ENOSF1: variants seen among roughly 807,000 people sequenced by gnomAD.
ENOSF1 encodes the protein mitochondrial enolase superfamily member 1.
In ENOSF1, 73 loss-of-function variants were observed where a neutral mutation model predicts 68.2. The ratio of observed to expected loss-of-function variants is 1.07; its 90% CI spans 0.89 to 1.30. The LOEUF (loss-of-function observed/expected upper bound fraction) is 1.30, where lower values mean the gene tolerates loss of function less well. ENOSF1 is among the 50% of genes most tolerant of loss of function. ENOSF1 has a pLI of 0.00. For synonymous variants in ENOSF1, 223 were observed against 210.4 expected (o/e 1.06, Z -0.52); for missense variants, 589 against 554.5 (o/e 1.06, Z -0.62).
downstream of ENOSF1, chr18:669,101 C>G: frequency 1.9e-6 from 3 of 1,614,154 alleles, no homozygotes; most frequent in Non-Finnish European, 2.5e-6. Context: ...TGACCAACTG[C>G]AAAGAGTGAT....
At chr18:678,789 C>T (rs2075781067) in intron 11 of ENOSF1, 52 bp from the exon 12 acceptor site, 1 of 1,577,172 alleles carries the variant, frequency 6.3e-7, no homozygotes, top group Non-Finnish European at 8.7e-7. Flanking sequence ...TGAACTGCAA[C>T]TCCTAATGTT....
rs2075145422 is a variant in ENOSF1 at position 673,166 on chromosome 18, G to A, written c.*1139C>T. The stretch of plus-strand genomic sequence containing the variant: ...TGTTGCCACTGGCAAATGTAACTGT[G>A]CCAGTTCTTTCCATAATAAAAGGCT... On this transcript the variant is annotated 3_prime_UTR_variant, in exon 16 of 16. Transcript: ENST00000647584. 1.5e-6 allele frequency: 1 copy of A among 648,606 alleles called. No individual in the cohort carries two copies. Among genetic ancestry groups the A allele is most frequent in the East Asian group, 2.8e-5 (1 of 35,778 alleles). 40.2% of individuals were successfully genotyped at this position (648,606 alleles called of 1,614,324 possible). A position where few individuals can be genotyped will look rare whatever the true frequency, so the allele number is the denominator to read the frequency against.
downstream of ENOSF1, chr18:667,583 T>TGATGGTGATGGA (rs1567991037): frequency 2.0e-4 from 17 of 83,298 alleles, no homozygotes; most frequent in African/African-American, 6.3e-4. Flanking sequence ...ATGGTGATGG[T>TGATGGTGATGGA]GATGGTGATG....
intron 5 of ENOSF1, chr18:691,610 G>A: frequency 4.4e-6 from 1 of 229,312 alleles, no homozygotes; most frequent in African/African-American, 2.3e-5. Flanking sequence ...GCCTCCCAAA[G>A]TGCTGGGATG....
intron 2 of ENOSF1, among the ~76,000 whole-genome samples, chr18:703,600 G>A (rs2078608216): frequency 6.6e-6 from 1 of 152,172 alleles, no homozygotes; most frequent in Admixed American, 6.6e-5. Context: ...TTACTTAATG[G>A]AGAAAAGCGG....
intron 2 of ENOSF1, among the ~76,000 whole-genome samples, chr18:703,766 T>C (rs948265677): frequency 2.6e-5 from 4 of 152,156 alleles, no homozygotes; most frequent in Non-Finnish European, 5.9e-5. Context: ...TGCACAAATT[T>C]CATGTTGAAG....
intron 2 of ENOSF1, among the ~76,000 whole-genome samples, chr18:703,142 A>T (rs753806249): frequency 1.1e-4 from 16 of 152,172 alleles, no homozygotes; most frequent in Non-Finnish European, 2.1e-4. Flanking sequence ...AGCACAAAAG[A>T]GTCATTAATT....
At chr18:693,714 C>A (rs2077435567) in intron 5 of ENOSF1, 168 bp downstream of exon 5, 1 of 985,158 alleles carries the variant, frequency 1.0e-6, no homozygotes, top group African/African-American at 1.7e-5. Flanking sequence ...CCATCTGTTA[C>A]GTCAGATATC....
chr18:679,096 T>C (rs1598543014), intron 11 of ENOSF1, among the ~76,000 whole-genome samples: 1 of 152,286 alleles, frequency 6.6e-6, no homozygotes, highest in African/African-American at 2.4e-5. Flanking sequence ...GAGTGGCTCA[T>C]TGTGGACTCA....
chr18:695,838 T>G (rs576236680), intron 3 of ENOSF1, among the ~76,000 whole-genome samples: 1 of 152,338 alleles, frequency 6.6e-6, no homozygotes, highest in African/African-American at 2.4e-5. Context: ...TTGTCCCAGA[T>G]TCAGCCAATG....
chr18:711,471 C>G (rs1189899242), intron 1 of ENOSF1, among the ~76,000 whole-genome samples: 1 of 152,110 alleles, frequency 6.6e-6, no homozygotes, highest in African/African-American at 2.4e-5. Context: ...ATTGCCGTTC[C>G]TCACTTCCCA....
chr18:675,017 A>G (rs1223602905), intron 15 of ENOSF1, among the ~76,000 whole-genome samples: 2 of 152,190 alleles, frequency 1.3e-5, no homozygotes, highest in Admixed American at 1.3e-4. Flanking sequence ...TTGTAGTCCA[A>G]ACTTTTTAGG....
chr18:695,919 C>A (rs1446582519), intron 3 of ENOSF1, among the ~76,000 whole-genome samples: 1 of 152,176 alleles, frequency 6.6e-6, no homozygotes, highest in Non-Finnish European at 1.5e-5. Flanking sequence ...GATGAAATCC[C>A]AGGCACTATT....
In ENOSF1 at chr18:675,400, A is replaced by C. The variant is rs1431156255; in HGVS notation, c.1151T>G (p.Val384Gly). Reference protein sequence around the residue: ...ISVSASLENRVCEYVDHLHEH... With the variant: ...ISVSASLENRGCEYVDHLHEH... Reference sequence around the variant, plus strand: ...ATGCAGGTGGTCAACATACTCACACACCCTAGGAGGAGGGAATCAGATCGG... The same window carrying C: ...ATGCAGGTGGTCAACATACTCACACCCCCTAGGAGGAGGGAATCAGATCGG... The change falls in exon 15 of 16, where the codon GTG becomes GGG. Residue 384 changes from valine to glycine, a missense_variant and splice_region_variant. Val to Gly is a moderately radical substitution (Grantham distance 109). Transcript: ENST00000647584. 1 of 1,612,062 alleles carries C rather than the reference A, an allele frequency of 6.2e-7. No homozygotes were observed. The highest frequency in any genetic ancestry group is 8.5e-7 in the Non-Finnish European group (1 of 1,179,424).
At chr18:667,179 TGATGGTGATGGA>T (rs2074856251), downstream of ENOSF1, among the ~76,000 whole-genome samples, 6 of 64,774 alleles carry the variant, frequency 9.3e-5, no homozygotes, top group Admixed American at 1.3e-4. Flanking sequence ...ATGGTGATGG[TGATGGTGATGGA>T]GATGGTGATG....
chr18:673,015 T>C lies in ENOSF1; in HGVS notation c.*1290A>G. The stretch of plus-strand genomic sequence containing the variant: ...CTGTTTAGGGTGCTTTCAAAGGAGC[T>C]CGAAGGATATTGTCAGTCTTTAGGG... On this transcript the variant is annotated 3_prime_UTR_variant, in exon 16 of 16. Coordinates refer to ENST00000647584, the MANE Select transcript of ENOSF1 (RefSeq NM_017512.7). 6.5e-7 allele frequency: 1 copy of C among 1,540,508 alleles called. No homozygotes were observed. Among genetic ancestry groups the C allele is most frequent in the Non-Finnish European group, 8.9e-7 (1 of 1,126,658 alleles).
intron 11 of ENOSF1, among the ~76,000 whole-genome samples, chr18:680,672 TTG>T (rs1228261881): frequency 3.1e-5 from 4 of 130,768 alleles, no homozygotes; most frequent in East Asian, 2.4e-4. Flanking sequence ...CACTATGCTG[TTG>T]TGTTTTTTTT....
At position 670,992 on chromosome 18, in the gene ENOSF1, A is replaced by T. The variant is rs2075017413; in HGVS notation, c.*3313T>A. 4 of 1,220,614 alleles carry T rather than the reference A, an allele frequency of 3.3e-6. No homozygotes were observed. Among genetic ancestry groups the T allele is most frequent in the Non-Finnish European group, 4.5e-6 (4 of 887,336 alleles). 75.6% of individuals were successfully genotyped at this position (1,220,614 alleles called of 1,614,324 possible). A position where few individuals can be genotyped will look rare whatever the true frequency, so the allele number is the denominator to read the frequency against. On this transcript the variant is annotated 3_prime_UTR_variant, in exon 16 of 16. Transcript: ENST00000647584. ...CTTTTAAATTTGATATGTGTAAGTA[A>T]GAAATGAACCAGCTTTTACTTTGAA... is the stretch of plus-strand genomic sequence containing the variant.
chr18:699,866 G>A (rs1407312531), intron 2 of ENOSF1, among the ~76,000 whole-genome samples: 1 of 152,202 alleles, frequency 6.6e-6, no homozygotes, highest in African/African-American at 2.4e-5. Context: ...GATTGCCTGA[G>A]GTCAAGAGTT....
Sources: allele counts gnomAD v4.1 joint callset (sites outside exome capture counted in the v4.1 genomes callset), GRCh38; gene constraint gnomAD v4.1.1; transcripts MANE v1.5; gene names NCBI Gene and HGNC (gene_info 2026-07-23, HGNC 2026-07-21).